The following MAN1A1 variants were observed in gnomAD, a reference collection of about 807,000 sequenced individuals.
MAN1A1 encodes the protein mannosyl-oligosaccharide 1,2-alpha-mannosidase IA.
MAN1A1 carries 29 observed loss-of-function variants against 70.8 expected under a neutral mutation model. The observed-to-expected ratio is 0.41, with a 90% CI of 0.31 to 0.56. The LOEUF (loss-of-function observed/expected upper bound fraction) is 0.56, where lower values mean the gene tolerates loss of function less well. MAN1A1 is among the 20% of genes least tolerant of loss of function. MAN1A1 has a pLI of 0.29. For missense variants in MAN1A1, 747 were observed against 841.3 expected, an observed-to-expected ratio of 0.89 and a Z score of 1.39; for synonymous variants, 349 against 330.1, an observed-to-expected ratio of 1.06 and a Z score of -0.62.
At chr6:119,245,108 T>C (rs1385228782) in intron 6 of MAN1A1, among the ~76,000 whole-genome samples, 1 of 152,136 alleles carries the variant, frequency 6.6e-6, no homozygotes, top group African/African-American at 2.4e-5. Context: ...AGCAGAATTA[T>C]GATATTACAG....
At chr6:119,316,966 T>G (rs77940363) in intron 2 of MAN1A1, among the ~76,000 whole-genome samples, 3 of 148,998 alleles carry the variant, frequency 2.0e-5, no homozygotes, top group African/African-American at 7.6e-5. Flanking sequence ...TTTTTTTTTT[T>G]GAAACAAGCT....
chr6:119,329,429 TG>T (rs1773242864), intron 2 of MAN1A1, among the ~76,000 whole-genome samples: 1 of 150,816 alleles, frequency 6.6e-6, no homozygotes, highest in South Asian at 2.1e-4. Context: ...CCTAAATCCA[TG>T]AGAGATTCCT....
intron 2 of MAN1A1, among the ~76,000 whole-genome samples, chr6:119,310,248 A>G (rs1426798787): frequency 2.6e-5 from 4 of 152,210 alleles, no homozygotes; most frequent in African/African-American, 9.6e-5. Flanking sequence ...CTCTTAGCAA[A>G]TACTTCCATT....
intron 5 of MAN1A1, among the ~76,000 whole-genome samples, chr6:119,261,969 G>A (rs1199162490): frequency 6.6e-6 from 1 of 152,166 alleles, no homozygotes; most frequent in African/African-American, 2.4e-5. Flanking sequence ...AAAAAACATA[G>A]GCGGGCAAGG....
chr6:119,248,154 T>C lies in MAN1A1; in HGVS notation c.992+106A>G. ...TCTCAAGACTCCCAGTGGAGTCTGT[T>C]AGTCACCAGTATCATATAAGTAATT... On this transcript the variant is annotated intron_variant, in intron 6 of 12. Coordinates refer to ENST00000368468, the MANE Select transcript of MAN1A1 (RefSeq NM_005907.4). The C allele has an allele frequency of 4.2e-6, 3 of 715,180 alleles. No individual in the cohort carries two copies. The East Asian group carries it at 8.2e-5, about 20-fold the overall frequency. The allele number at this position is 715,180 out of a possible 1,614,324, so 44.3% of individuals were successfully genotyped here.
chr6:119,348,827 A>G lies in MAN1A1; in HGVS notation c.239T>C (p.Leu80Ser). 6.8e-7 allele frequency: 1 copy of G among 1,472,814 alleles called. No individual in the cohort carries two copies. Among genetic ancestry groups the G allele is most frequent in the South Asian group, 1.4e-5 (1 of 71,772 alleles). The allele number at this position is 1,472,814 out of a possible 1,614,324, so 91.2% of individuals were successfully genotyped here. A position where few individuals can be genotyped will look rare whatever the true frequency, so the allele number is the denominator to read the frequency against. ...SGVLFHSSPALQPAADHKPGP... is the reference protein window; with the variant it reads ...SGVLFHSSPASQPAADHKPGP... ...GGGCTTGTGGTCGGCGGCCGGCTGCAAGGCGGGGCTGGAGTGGAACAGGAC... is the reference window on the plus strand; with the variant it reads ...GGGCTTGTGGTCGGCGGCCGGCTGCGAGGCGGGGCTGGAGTGGAACAGGAC... Residue 80 changes from leucine to serine, a missense_variant, in exon 2 of 13, where the codon TTG becomes TCG. Coordinates refer to ENST00000368468, the MANE Select transcript of MAN1A1 (RefSeq NM_005907.4).
In MAN1A1 at chr6:119,189,665, T is replaced by C. The variant is rs778765810; in HGVS notation, c.1545A>G (p.Thr515=). The part of the protein sequence containing the change: ...ARTCHESYNR[T]FMKLGPEAFR... ...AAATGAAGAATAACATGTACTCACATGTTCGATTATATGATTCATGACAAG... is the reference window on the plus strand; with the variant it reads ...AAATGAAGAATAACATGTACTCACACGTTCGATTATATGATTCATGACAAG... Residue 515 remains threonine, a splice_region_variant and synonymous_variant, in exon 10 of 13, where the codon ACA becomes ACG. Transcript: ENST00000368468. 9 of 1,613,346 alleles carry C rather than the reference T, an allele frequency of 5.6e-6. No homozygotes were observed. In the Admixed American group the frequency reaches 1.5e-4, roughly 27 times the overall value.
chr6:119,350,217 G>C (rs956945556), upstream of MAN1A1, among the ~76,000 whole-genome samples: 2 of 152,178 alleles, frequency 1.3e-5, no homozygotes, highest in African/African-American at 4.8e-5. Context: ...GGAAAGGCGG[G>C]GTCTGGCAGG....
At chr6:119,242,200 T>C (rs1348323994) in intron 6 of MAN1A1, among the ~76,000 whole-genome samples, 1 of 152,100 alleles carries the variant, frequency 6.6e-6, no homozygotes, top group African/African-American at 2.4e-5. Flanking sequence ...ATGTAAGACT[T>C]AGGATAAGAA....
intron 5 of MAN1A1, among the ~76,000 whole-genome samples, chr6:119,276,833 T>A (rs1223875612): frequency 6.6e-6 from 1 of 152,208 alleles, no homozygotes; most frequent in Admixed American, 6.5e-5. Flanking sequence ...AGTAAATGCA[T>A]CAACCTAAAT....
At chr6:119,260,966 T>C (rs1775591125) in intron 5 of MAN1A1, among the ~76,000 whole-genome samples, 1 of 130,752 alleles carries the variant, frequency 7.6e-6, no homozygotes, top group African/African-American at 2.9e-5. Flanking sequence ...AAATGTCTTG[T>C]TTTTTTATTG....
chr6:119,244,266 T>C (rs1044994142), intron 6 of MAN1A1, among the ~76,000 whole-genome samples: 8 of 152,164 alleles, frequency 5.3e-5, no homozygotes, highest in African/African-American at 1.4e-4. Context: ...ATAACAAGAA[T>C]AGACACCAAA....
intron 2 of MAN1A1, among the ~76,000 whole-genome samples, chr6:119,338,298 A>C (rs1773514942): frequency 6.6e-6 from 1 of 152,156 alleles, no homozygotes. Context: ...ACTATCTTAA[A>C]AAACATGACT....
At chr6:119,180,180 T>A (rs1773112732) in intron 12 of MAN1A1, 132 bp downstream of exon 12, 1 of 736,998 alleles carries the variant, frequency 1.4e-6, no homozygotes, top group Non-Finnish European at 2.3e-6. Flanking sequence ...AGAATATACC[T>A]GCAATTATAG....
chr6:119,238,321 T>C (rs1774912070), intron 6 of MAN1A1, among the ~76,000 whole-genome samples: 2 of 152,330 alleles, frequency 1.3e-5, no homozygotes, highest in Admixed American at 6.5e-5. Flanking sequence ...TGTAAAATTA[T>C]ATGCTCTAAG....
At chr6:119,350,445 G>A (rs1394573998), upstream of MAN1A1, 1 of 675,804 alleles carries the variant, frequency 1.5e-6, no homozygotes, top group Non-Finnish European at 1.8e-6. Flanking sequence ...TTTCGTATGC[G>A]CCCTTTCTTC....
intron 5 of MAN1A1, among the ~76,000 whole-genome samples, chr6:119,249,796 T>C (rs1476897350): frequency 2.0e-5 from 3 of 152,138 alleles, no homozygotes; most frequent in Non-Finnish European, 2.9e-5. Context: ...GCCCTATCTT[T>C]TGGAATCTTA....
intron 2 of MAN1A1, among the ~76,000 whole-genome samples, chr6:119,342,488 T>C (rs1012949290): frequency 1.3e-5 from 2 of 152,204 alleles, no homozygotes; most frequent in African/African-American, 2.4e-5. Context: ...GTGGGTACTA[T>C]TAACCTCATT....
At chr6:119,315,995 T>C (rs195048) in intron 2 of MAN1A1, among the ~76,000 whole-genome samples, 105,702 of 151,918 alleles carry the variant, frequency 0.7, 37,154 homozygotes, top group African/African-American at 0.75. Context: ...TTAGATTAGC[T>C]GTGCTAAGAC....
Sources: allele counts gnomAD v4.1 joint callset (sites outside exome capture counted in the v4.1 genomes callset), GRCh38; gene constraint gnomAD v4.1.1; transcripts MANE v1.5; gene names NCBI Gene and HGNC (gene_info 2026-07-23, HGNC 2026-07-21).